Variants in GAPVD1 observed in about 807,000 individuals in gnomAD.
The protein encoded by GAPVD1 is GTPase-activating protein and VPS9 domain-containing protein 1.
Under a neutral mutation model 155.5 loss-of-function variants are expected in GAPVD1, and 35 were observed. The observed-to-expected ratio is 0.23, with a 90% CI of 0.17 to 0.30. The LOEUF (loss-of-function observed/expected upper bound fraction) is 0.30. Ranked by LOEUF, GAPVD1 falls within the 10% of genes least tolerant of loss-of-function variation. The probability of loss-of-function intolerance (pLI) is 1.00; values close to 1 mark genes in which losing one functional copy is unlikely to be tolerated. For synonymous variants in GAPVD1, 636 were observed against 619.7 expected (o/e 1.03, Z -0.39); for missense variants, 1,429 against 1,775.7 (o/e 0.80, Z 3.51).
chr9:125,310,576 G>A (rs1476247833), intron 8 of GAPVD1, among the ~76,000 whole-genome samples: 1 of 110,696 alleles, frequency 9.0e-6, no homozygotes, highest in Non-Finnish European at 1.8e-5. Flanking sequence ...TCTAGCTCTT[G>A]TTGCCCAGGC....
At chr9:125,266,166 G>A (rs970434163) in intron 1 of GAPVD1, among the ~76,000 whole-genome samples, 20 of 145,014 alleles carry the variant, frequency 1.4e-4, no homozygotes, top group Admixed American at 1.3e-3. Context: ...TGCTCTTGTT[G>A]CCCAGGCTGG....
intron 19 of GAPVD1, chr9:125,345,989 C>G (rs1390051054): frequency 6.6e-6 from 1 of 152,196 alleles, no homozygotes; most frequent in Non-Finnish European, 1.5e-5. Flanking sequence ...TGGCCTAGGA[C>G]TAACCCAGGA....
At chr9:125,279,156 G>T (rs1053587899) in intron 2 of GAPVD1, among the ~76,000 whole-genome samples, 1 of 148,160 alleles carries the variant, frequency 6.7e-6, no homozygotes, top group Non-Finnish European at 1.5e-5. Flanking sequence ...AGGCTGCAGT[G>T]AGCCGAGATC....
intron 8 of GAPVD1, among the ~76,000 whole-genome samples, chr9:125,310,166 A>G (rs1423556167): frequency 1.3e-5 from 2 of 152,184 alleles, no homozygotes; most frequent in African/African-American, 4.8e-5. Context: ...AGAGTTTGTT[A>G]TGATTCATAG....
At chr9:125,361,066 G>T (rs1345117195) in intron 27 of GAPVD1, among the ~76,000 whole-genome samples, 1 of 152,072 alleles carries the variant, frequency 6.6e-6, no homozygotes, top group Non-Finnish European at 1.5e-5. Context: ...GTTTCGCCAT[G>T]TTGGCCAAGC....
rs764696027 is a variant in GAPVD1 at position 125,362,626 on chromosome 9, G to C, written c.4263G>C (p.Leu1421=). The C allele has an allele frequency of 1.2e-6, 2 of 1,607,300 alleles. No homozygotes were observed. Among genetic ancestry groups the C allele is most frequent in the South Asian group, 1.1e-5 (1 of 89,472 alleles). ...TCTAGGCAAATCCACCCTGTTTGCT[G>C]TCTACTGTGCAGTATATCAGTAGCT... ...VLIKANPPCL[L]STVQYISSFY... is the part of the protein sequence containing the mutation. Residue 1421 remains leucine, a synonymous_variant, in exon 28 of 28, where the codon CTG becomes CTC. Coordinates refer to ENST00000297933, the MANE Select transcript of GAPVD1 (RefSeq NM_001282680.3).
chr9:125,287,195 C>T (rs1837842092), intron 2 of GAPVD1, among the ~76,000 whole-genome samples: 1 of 152,054 alleles, frequency 6.6e-6, no homozygotes. Context: ...ATTGGAACAT[C>T]TGCATGAGAG....
intron 23 of GAPVD1, among the ~76,000 whole-genome samples, chr9:125,354,038 G>A (rs1465044810): frequency 1.3e-5 from 2 of 152,174 alleles, no homozygotes; most frequent in Non-Finnish European, 2.9e-5. Flanking sequence ...AGTGGTGATA[G>A]GAAAGCCTAC....
chr9:125,362,565 C>T, intron 27 of GAPVD1, 41 bp from the exon 28 acceptor site: 1 of 1,523,844 alleles, frequency 6.6e-7, no homozygotes, highest in Non-Finnish European at 8.9e-7. Flanking sequence ...AGAGCTATGA[C>T]ATCTGAGTAA....
intron 12 of GAPVD1, among the ~76,000 whole-genome samples, chr9:125,327,209 G>A (rs1845311537): frequency 6.6e-6 from 1 of 151,544 alleles, no homozygotes; most frequent in African/African-American, 2.4e-5. Context: ...TTTTTAATGT[G>A]AAGTTTATTC....
intron 2 of GAPVD1, among the ~76,000 whole-genome samples, chr9:125,291,258 G>A (rs938949370): frequency 6.6e-6 from 1 of 152,084 alleles, no homozygotes; most frequent in Non-Finnish European, 1.5e-5. Flanking sequence ...CTGCACTCCA[G>A]TGTGGGCATC....
chr9:125,351,897 C>T (rs559785645), intron 23 of GAPVD1, among the ~76,000 whole-genome samples: 40 of 152,276 alleles, frequency 2.6e-4, no homozygotes, highest in East Asian at 1.2e-3. Context: ...TGCGCCACCA[C>T]GCCTGGCTAA....
chr9:125,317,187 G>A (rs775303329), intron 9 of GAPVD1, among the ~76,000 whole-genome samples: 19 of 151,614 alleles, frequency 1.3e-4, no homozygotes, highest in Admixed American at 5.9e-4. Context: ...GCGTGGTGGT[G>A]TGCACCTGTA....
intron 8 of GAPVD1, chr9:125,310,031 C>A: frequency 2.6e-6 from 1 of 377,694 alleles, no homozygotes; most frequent in Non-Finnish European, 5.6e-6. Flanking sequence ...GCTGTTCTTC[C>A]TCTTCTTTTA....
chr9:125,360,433 A>G (rs1850737185), intron 26 of GAPVD1, 95 bp from the exon 27 acceptor site: 8 of 934,748 alleles, frequency 8.6e-6, no homozygotes, highest in Admixed American at 7.5e-5. Flanking sequence ...AAGCAACCAC[A>G]TTATCCTCTG....
At position 125,269,734 on chromosome 9, in the gene GAPVD1, T is replaced by TTG. The variant is rs1834578880; in HGVS notation, c.-150+750_-150+751insTG. 2.9e-5 allele frequency among the ~76,000 whole-genome samples: 4 copies of TTG among 139,304 alleles called. No homozygotes were observed. In the South Asian group the frequency reaches 9.1e-4, roughly 32 times the overall value. The allele number at this position is 139,304 out of a possible 152,430, so 91.4% of individuals were successfully genotyped here. A position where few individuals can be genotyped will look rare whatever the true frequency, so the allele number is the denominator to read the frequency against. ...GCTTTTTTTTTTTTTTTTTTTTTTT[T>TTG]GGAGGCAGAGTCTCACTCTGTTGCC... On this transcript the variant is annotated intron_variant, in intron 2 of 27. Transcript: ENST00000297933.
At position 125,357,986 on chromosome 9, in the gene GAPVD1, A is replaced by AC. The variant is rs1554790825; in HGVS notation, c.3972-1434_3972-1433insC. ...CGAAGCTCTGTCTTTAAAAAAAAAA[A>AC]ACACACACACACACACACACAAAAC... On this transcript the variant is annotated intron_variant, in intron 25 of 27. Transcript: ENST00000297933. Among the ~76,000 whole-genome samples the AC allele has an allele frequency of 2.0e-3, 296 of 150,548 alleles. 1 individual carries two copies. Among genetic ancestry groups the AC allele is most frequent in the East Asian group, 3.7e-3 (19 of 5,148 alleles).
chr9:125,283,121 G>A (rs529901384), intron 2 of GAPVD1, among the ~76,000 whole-genome samples: 4 of 151,148 alleles, frequency 2.6e-5, no homozygotes, highest in East Asian at 3.9e-4. Flanking sequence ...GTGCAATGGC[G>A]TGATCTTGGC....
intron 2 of GAPVD1, among the ~76,000 whole-genome samples, chr9:125,273,765 T>C (rs1464204489): frequency 6.6e-6 from 1 of 152,018 alleles, no homozygotes; most frequent in African/African-American, 2.4e-5. Flanking sequence ...GCATCTGGCA[T>C]TCCATGTTTC....
Sources: gnomAD v4.1 joint callset for allele counts (sites outside exome capture counted in the v4.1 genomes callset) on GRCh38, gnomAD v4.1.1 for gene constraint, MANE v1.5 for transcripts, NCBI Gene and HGNC (gene_info 2026-07-23, HGNC 2026-07-21) for gene names.